GUCY2F: variants seen among roughly 807,000 people sequenced by gnomAD.
The protein encoded by GUCY2F is retinal guanylyl cyclase 2.
GUCY2F carries 61 observed loss-of-function variants against 73.1 expected under a neutral mutation model. The ratio of observed to expected loss-of-function variants is 0.83; its 90% CI spans 0.68 to 1.03. The LOEUF (loss-of-function observed/expected upper bound fraction) is 1.03, where lower values mean the gene tolerates loss of function less well. Among genes scored for constraint, GUCY2F ranks in the 50% least tolerant of loss-of-function variants. The pLI, the probability that GUCY2F is intolerant of heterozygous loss-of-function variation, is 0.00. For synonymous variants in GUCY2F, 331 were observed against 307.8 expected (o/e 1.08, Z -0.79); for missense variants, 912 against 854.3 (o/e 1.07, Z -0.84).
intron 3 of GUCY2F, among the ~76,000 whole-genome samples, chrX:109,463,417 G>T (rs1932402009): frequency 9.3e-6 from 1 of 107,409 alleles, no homozygotes; most frequent in African/African-American, 3.5e-5. Flanking sequence ...GAGATTCTGG[G>T]AAAGATTTCC....
Position 109,475,615 on chromosome X carries a change from T to TC in GUCY2F, c.321dup (p.Arg108GlufsTer48). On this transcript the variant is annotated frameshift_variant, in exon 2 of 20. Transcript: ENST00000218006. LOFTEE classifies it high-confidence loss of function. ...TGGGAAATGAAACTGGAGAGAGCCCTCGAAGTCTGGCAGTCTTCATTGAGA... is the reference window on the plus strand; with the variant it reads ...TGGGAAATGAAACTGGAGAGAGCCCTCCGAAGTCTGGCAGTCTTCATTGAGA... The TC allele has an allele frequency of 8.3e-7, 1 of 1,209,695 alleles. No individual in the cohort carries two copies. The highest frequency in any genetic ancestry group is 1.8e-5 in the South Asian group (1 of 56,951).
intron 12 of GUCY2F, among the ~76,000 whole-genome samples, chrX:109,394,720 CCT>C (rs1304341029): frequency 2.7e-5 from 3 of 112,109 alleles, no homozygotes; most frequent in Non-Finnish European, 5.6e-5. Flanking sequence ...TCAATCCCCA[CCT>C]CTAGGGAGAG....
chrX:109,380,368 G>C (rs961453260), intron 17 of GUCY2F, among the ~76,000 whole-genome samples: 1 of 111,501 alleles, frequency 9.0e-6, no homozygotes, highest in Admixed American at 9.5e-5. Flanking sequence ...GAAACCCCAT[G>C]TGCCCCAGCC....
chrX:109,395,446 T>C lies in GUCY2F; in HGVS notation c.2319A>G (p.Pro773=). ...GAGGGGCATGCTCAGGAGGAACTACTGGTCTGTACACAGGAGGAGGCTTCT... is the reference window on the plus strand; with the variant it reads ...GAGGGGCATGCTCAGGAGGAACTACCGGTCTGTACACAGGAGGAGGCTTCT... ...RLKKPPPVYR[P]VVPPEHAPPE... Residue 773 remains proline (P), a synonymous_variant, in exon 12 of 20, where the codon CCA becomes CCG. Coordinates refer to ENST00000218006, the MANE Select transcript of GUCY2F (RefSeq NM_001522.3). The C allele has an allele frequency of 8.3e-7, 1 of 1,197,903 alleles. No homozygotes were observed.
intron 3 of GUCY2F, among the ~76,000 whole-genome samples, chrX:109,461,142 C>G (rs1361109370): frequency 2.7e-5 from 3 of 111,488 alleles, no homozygotes; most frequent in African/African-American, 9.8e-5. Flanking sequence ...ACTAAGAGTG[C>G]TCCTCAACTA....
intron 17 of GUCY2F, among the ~76,000 whole-genome samples, chrX:109,380,237 G>C (rs1321600512): frequency 8.9e-6 from 1 of 111,991 alleles, no homozygotes; most frequent in Admixed American, 9.4e-5. Flanking sequence ...CCATGTACTA[G>C]AGCAACTCTT....
chrX:109,457,176 G>A (rs1189829590), intron 3 of GUCY2F, among the ~76,000 whole-genome samples: 6 of 112,018 alleles, frequency 5.4e-5, no homozygotes, highest in Non-Finnish European at 9.4e-5. Context: ...TGTTACTTTA[G>A]ATAGCTCTAC....
chrX:109,442,303 C>T (rs1931892292), intron 6 of GUCY2F, among the ~76,000 whole-genome samples: 1 of 111,282 alleles, frequency 9.0e-6, no homozygotes, highest in Non-Finnish European at 1.9e-5. Context: ...CTCCATACCT[C>T]CAAATGTGCC....
chrX:109,464,692 A>G (rs1932428472), intron 3 of GUCY2F, among the ~76,000 whole-genome samples: 2 of 112,617 alleles, frequency 1.8e-5, no homozygotes, highest in Non-Finnish European at 3.8e-5. Flanking sequence ...TGGGTTCAGT[A>G]TTGGGAAGCT....
At chrX:109,417,386 G>C (rs890490635) in intron 8 of GUCY2F, among the ~76,000 whole-genome samples, 4 of 111,040 alleles carry the variant, frequency 3.6e-5, no homozygotes, top group African/African-American at 1.3e-4. Context: ...AATTTCCTAT[G>C]TTTTAAGTAA....
At chrX:109,462,954 T>C (rs1932391497) in intron 3 of GUCY2F, among the ~76,000 whole-genome samples, 2 of 112,001 alleles carry the variant, frequency 1.8e-5, no homozygotes, top group South Asian at 7.5e-4. Context: ...TGTGTGTGTG[T>C]GTGCATGTGT....
At chrX:109,473,974 A>C (rs372364653) in intron 2 of GUCY2F, among the ~76,000 whole-genome samples, 7 of 112,332 alleles carry the variant, frequency 6.2e-5, no homozygotes, top group Admixed American at 2.8e-4. Flanking sequence ...ATTATGAAGT[A>C]ATCAGAGCCA....
intron 7 of GUCY2F, among the ~76,000 whole-genome samples, chrX:109,439,300 C>T (rs749306740): frequency 9.8e-5 from 11 of 111,749 alleles, no homozygotes; most frequent in African/African-American, 3.3e-4. Flanking sequence ...CTCAAGGCCC[C>T]GGCACTCTGG....
At chrX:109,421,732 A>T (rs1931376508) in intron 8 of GUCY2F, among the ~76,000 whole-genome samples, 1 of 111,575 alleles carries the variant, frequency 9.0e-6, no homozygotes, top group Admixed American at 9.5e-5. Flanking sequence ...TTAAGATGGT[A>T]AATTTTATGT....
In GUCY2F at chrX:109,395,443, T is replaced by C; in HGVS notation, c.2322A>G (p.Val774=). Residue 774 remains valine, a synonymous_variant, in exon 12 of 20, where the codon GTA becomes GTG. Coordinates refer to ENST00000218006, the MANE Select transcript of GUCY2F (RefSeq NM_001522.3). The part of the protein sequence containing the change: ...LKKPPPVYRP[V]VPPEHAPPEC... The stretch of plus-strand genomic sequence containing the variant: ...CTGGAGGGGCATGCTCAGGAGGAAC[T>C]ACTGGTCTGTACACAGGAGGAGGCT... The C allele has an allele frequency of 8.4e-7, 1 of 1,194,696 alleles. No individual in the cohort carries two copies. The highest frequency in any genetic ancestry group is 1.1e-6 in the Non-Finnish European group (1 of 879,757).
At chrX:109,414,963 G>A (rs1258789420) in intron 8 of GUCY2F, among the ~76,000 whole-genome samples, 2 of 111,061 alleles carry the variant, frequency 1.8e-5, no homozygotes, top group Non-Finnish European at 3.8e-5. Flanking sequence ...AATCTAATAG[G>A]TCATTTTAAG....
intron 8 of GUCY2F, among the ~76,000 whole-genome samples, chrX:109,425,335 T>TTG (rs755304809): frequency 0.041 from 3,987 of 98,152 alleles, 80 homozygotes; most frequent in African/African-American, 0.08. Flanking sequence ...AAAGAAATTG[T>TTG]TGTGTGTGTG....
intron 8 of GUCY2F, among the ~76,000 whole-genome samples, chrX:109,409,694 T>G (rs1025908563): frequency 4.5e-5 from 5 of 111,307 alleles, no homozygotes; most frequent in Non-Finnish European, 9.4e-5. Context: ...GTCTTTCCCA[T>G]GCTGTTCTCA....
intron 8 of GUCY2F, among the ~76,000 whole-genome samples, chrX:109,424,144 C>A (rs1931430491): frequency 8.9e-6 from 1 of 111,762 alleles, no homozygotes; most frequent in Admixed American, 9.5e-5. Flanking sequence ...ATGAAATGAA[C>A]AACTTCCTTT....
Sources: allele counts gnomAD v4.1 joint callset (sites outside exome capture counted in the v4.1 genomes callset), GRCh38; gene constraint gnomAD v4.1.1; transcripts MANE v1.5; gene names NCBI Gene and HGNC (gene_info 2026-07-23, HGNC 2026-07-21).